USP8: variants seen among roughly 807,000 people sequenced by gnomAD.
The protein encoded by USP8 is ubiquitin specific peptidase 8.
A neutral mutation model predicts 130.0 loss-of-function variants in USP8; 27 were observed. The observed-to-expected ratio is 0.21, with a 90% confidence interval of 0.15 to 0.29. USP8 has a LOEUF of 0.29. USP8 is among the 10% of genes least tolerant of loss of function. USP8 has a pLI of 1.00. For missense variants in USP8, 1,029 were observed against 1,312.2 expected (o/e 0.78, Z 3.33); for synonymous variants, 392 against 444.1 (o/e 0.88, Z 1.48).
intron 4 of USP8, among the ~76,000 whole-genome samples, chr15:50,455,402 C>G (rs1047964103): frequency 1.4e-5 from 2 of 143,444 alleles, no homozygotes; most frequent in Non-Finnish European, 3.1e-5. Flanking sequence ...CTGTGTGGTT[C>G]TTTTTTATAG....
At chr15:50,462,352 T>C in intron 6 of USP8, 30 bp downstream of exon 6, 6 of 1,575,828 alleles carry the variant, frequency 3.8e-6, no homozygotes, top group Non-Finnish European at 5.1e-6. Context: ...GGAAGTTGTT[T>C]TAGGTTCTGA....
At chr15:50,478,290 CA>C (rs2051640342) in intron 10 of USP8, among the ~76,000 whole-genome samples, 1 of 152,126 alleles carries the variant, frequency 6.6e-6, no homozygotes, top group Non-Finnish European at 1.5e-5. Flanking sequence ...ATAACCAAGA[CA>C]TTACAAATAA....
intron 1 of USP8, among the ~76,000 whole-genome samples, chr15:50,426,279 A>C (rs894832880): frequency 1.3e-5 from 2 of 152,190 alleles, no homozygotes; most frequent in Non-Finnish European, 2.9e-5. Flanking sequence ...ATATTTATGG[A>C]AGTGAAAGGA....
chr15:50,465,264 C>T lies in USP8; in HGVS notation c.686+73C>T, dbSNP rs2051151023. 2.3e-6 allele frequency: 3 copies of T among 1,307,108 alleles called. No individual in the cohort carries two copies. The South Asian group carries it at 4.4e-5, about 19-fold the overall frequency. The allele number at this position is 1,307,108 out of a possible 1,614,324, so 81.0% of individuals were successfully genotyped here. ...CTGTGGACCTTAGTAAATGTTACTA[C>T]TTAGCATCCAAGCTAAATGTGATAA... On this transcript the variant is annotated intron_variant, in intron 7 of 19. Coordinates refer to ENST00000307179, the MANE Select transcript of USP8 (RefSeq NM_005154.5).
intron 3 of USP8, 150 bp from the exon 4 acceptor site, chr15:50,449,250 A>G (rs1185614962): frequency 7.4e-6 from 3 of 404,282 alleles, no homozygotes; most frequent in Non-Finnish European, 1.3e-5. Context: ...TAAATTATAC[A>G]TTTACATAGG....
intron 1 of USP8, among the ~76,000 whole-genome samples, chr15:50,431,144 C>G (rs185974107): frequency 1.4e-5 from 1 of 69,646 alleles, no homozygotes; most frequent in Non-Finnish European, 3.0e-5. Context: ...TCATATTTTG[C>G]AGGGTACAGT....
chr15:50,472,300 T>C (rs2051403928), intron 8 of USP8, among the ~76,000 whole-genome samples: 1 of 151,886 alleles, frequency 6.6e-6, no homozygotes, highest in South Asian at 2.1e-4. Context: ...AAAGATCTTA[T>C]AAGATTACAA....
chr15:50,437,599 TA>T (rs2050128345), intron 1 of USP8, among the ~76,000 whole-genome samples: 2 of 152,366 alleles, frequency 1.3e-5, no homozygotes, highest in South Asian at 4.1e-4. Context: ...ACACGAGGCC[TA>T]CTGTTGCAAG....
intron 17 of USP8, 28 bp from the exon 18 acceptor site, chr15:50,497,061 G>C: frequency 6.3e-7 from 1 of 1,581,804 alleles, no homozygotes; most frequent in East Asian, 2.3e-5. Flanking sequence ...GAATTAACGA[G>C]TATCTGCTAC....
intron 4 of USP8, among the ~76,000 whole-genome samples, chr15:50,452,918 G>T (rs986672032): frequency 6.6e-6 from 1 of 152,182 alleles, no homozygotes; most frequent in African/African-American, 2.4e-5. Flanking sequence ...CTAGTGATTT[G>T]CATTGAGGAG....
intron 12 of USP8, among the ~76,000 whole-genome samples, chr15:50,485,863 C>CTA (rs1355693961): frequency 6.6e-6 from 1 of 152,040 alleles, no homozygotes; most frequent in Non-Finnish European, 1.5e-5. Flanking sequence ...ACACATCCTC[C>CTA]TATATACTTT....
At chr15:50,460,717 G>A (rs539703891) in intron 5 of USP8, among the ~76,000 whole-genome samples, 9 of 152,232 alleles carry the variant, frequency 5.9e-5, no homozygotes, top group East Asian at 3.9e-4. Flanking sequence ...AGCTATCACC[G>A]TACCTCCCTT....
chr15:50,483,063 G>A (rs2051832403), intron 11 of USP8, among the ~76,000 whole-genome samples: 1 of 152,170 alleles, frequency 6.6e-6, no homozygotes, highest in Admixed American at 6.5e-5. Flanking sequence ...AGCAAAACAT[G>A]TGCACTCCAA....
At chr15:50,494,919 G>GC (rs1415558605) in intron 16 of USP8, among the ~76,000 whole-genome samples, 1 of 151,828 alleles carries the variant, frequency 6.6e-6, no homozygotes, top group Non-Finnish European at 1.5e-5. Context: ...GGTGGCTGAA[G>GC]CAGGAGAATC....
intron 8 of USP8, among the ~76,000 whole-genome samples, chr15:50,472,950 A>G (rs1426944241): frequency 6.6e-6 from 1 of 152,216 alleles, no homozygotes; most frequent in Non-Finnish European, 1.5e-5. Flanking sequence ...GAAGACAGGC[A>G]GAAATATTTA....
chr15:50,501,779 T>C lies in USP8; in HGVS notation c.*2691T>C, dbSNP rs1445375198. 1 of 152,146 alleles carries C rather than the reference T, an allele frequency of 6.6e-6. No homozygotes were observed. Among genetic ancestry groups the C allele is most frequent in the Non-Finnish European group, 1.5e-5 (1 of 68,028 alleles). 9.4% of individuals were successfully genotyped at this position (152,146 alleles called of 1,614,324 possible). A position where few individuals can be genotyped will look rare whatever the true frequency, so the allele number is the denominator to read the frequency against. ...GGGTCAGCAAACCACGGCCCGTGGG[T>C]CAACTCCAGGCTGTTTTTGTAAGAC... On this transcript the variant is annotated 3_prime_UTR_variant, in exon 20 of 20. Transcript: ENST00000307179.
In USP8 at chr15:50,508,263, T is replaced by C. The variant is rs1360178643; in HGVS notation, c.*9175T>C. ...ACTTAGAAGTAAATAGTAATGAAAA[T>C]ACTATATCAAAACATGGGATGCACT... On this transcript the variant is annotated 3_prime_UTR_variant, in exon 20 of 20. Coordinates refer to ENST00000307179, the MANE Select transcript of USP8 (RefSeq NM_005154.5). 6.6e-6 allele frequency: 1 copy of C among 151,880 alleles called. No homozygotes were observed. The highest frequency in any genetic ancestry group is 1.5e-5 in the Non-Finnish European group (1 of 67,966). 9.4% of individuals were successfully genotyped at this position (151,880 alleles called of 1,614,324 possible).
chr15:50,437,083 T>C (rs1250593584), intron 1 of USP8, among the ~76,000 whole-genome samples: 2 of 152,206 alleles, frequency 1.3e-5, no homozygotes, highest in Admixed American at 6.5e-5. Context: ...CTGGATACTC[T>C]CTTCATATTT....
At chr15:50,463,576 C>G (rs2051084320) in intron 6 of USP8, 1 of 152,164 alleles carries the variant, frequency 6.6e-6, no homozygotes, top group South Asian at 2.1e-4. Flanking sequence ...TCCCTAAAAG[C>G]TGTTACTGAT....
Sources: allele counts gnomAD v4.1 joint callset (sites outside exome capture counted in the v4.1 genomes callset), GRCh38; gene constraint gnomAD v4.1.1; transcripts MANE v1.5; gene names NCBI Gene and HGNC (gene_info 2026-07-23, HGNC 2026-07-21).